Variants in GABRA3 observed in about 807,000 individuals in gnomAD.
GABRA3 encodes gamma-aminobutyric acid type A receptor subunit alpha3.
In GABRA3, 10 loss-of-function variants were observed where a neutral mutation model predicts 30.1. That is an observed-to-expected ratio of 0.33 (90% CI 0.20 to 0.56). The LOEUF is 0.56. Among genes scored for constraint, GABRA3 ranks in the 20% least tolerant of loss-of-function variants. The pLI is 0.89. For synonymous variants in GABRA3, 151 were observed against 146.8 expected (o/e 1.03, Z -0.21); for missense variants, 233 against 392.0 (o/e 0.59, Z 3.42).
At chrX:152,348,720 G>T (rs1225199947) in intron 2 of GABRA3, among the ~76,000 whole-genome samples, 1 of 112,177 alleles carries the variant, frequency 8.9e-6, no homozygotes, top group Non-Finnish European at 1.9e-5. Context: ...GCATGTAAAA[G>T]TTATGTTTAT....
chrX:152,384,400 G>C (rs1434058909), intron 1 of GABRA3, among the ~76,000 whole-genome samples: 2 of 111,737 alleles, frequency 1.8e-5, no homozygotes, highest in Non-Finnish European at 3.8e-5. Flanking sequence ...TTAGCACAGA[G>C]GGTATTGGTG....
intron 7 of GABRA3, among the ~76,000 whole-genome samples, chrX:152,202,630 G>A (rs1207750801): frequency 1.8e-5 from 2 of 112,089 alleles, no homozygotes; most frequent in Non-Finnish European, 3.8e-5. Context: ...TTATGCGTTT[G>A]TATGTGTATG....
intron 3 of GABRA3, among the ~76,000 whole-genome samples, chrX:152,314,710 T>C (rs1317025572): frequency 8.9e-6 from 1 of 112,421 alleles, no homozygotes; most frequent in Non-Finnish European, 1.9e-5. Flanking sequence ...TTGGCTTAAA[T>C]GGCACTTCGT....
intron 3 of GABRA3, among the ~76,000 whole-genome samples, chrX:152,342,877 C>T (rs1221021209): frequency 9.0e-6 from 1 of 111,295 alleles, no homozygotes; most frequent in African/African-American, 3.3e-5. Flanking sequence ...AAAAGTGTTT[C>T]CACCAAGTAG....
intron 3 of GABRA3, among the ~76,000 whole-genome samples, chrX:152,308,201 T>C (rs1939748422): frequency 8.9e-6 from 1 of 112,612 alleles, no homozygotes; most frequent in Admixed American, 9.4e-5. Flanking sequence ...TCTGCTTTAC[T>C]GGCAGACCCT....
chrX:152,299,691 C>T (rs756673438), intron 3 of GABRA3, among the ~76,000 whole-genome samples: 1 of 111,712 alleles, frequency 9.0e-6, no homozygotes, highest in East Asian at 2.8e-4. Context: ...GCACTATAGT[C>T]TTTCTCTCCC....
intron 1 of GABRA3, among the ~76,000 whole-genome samples, chrX:152,386,129 G>A (rs748035162): frequency 9.3e-6 from 1 of 107,532 alleles, no homozygotes; most frequent in East Asian, 2.9e-4. Context: ...ATTCTGTGAA[G>A]AAAGTCATTG....
At chrX:152,360,280 C>T (rs1378738412) in intron 2 of GABRA3, among the ~76,000 whole-genome samples, 1 of 60,386 alleles carries the variant, frequency 1.7e-5, no homozygotes, top group Non-Finnish European at 3.0e-5. Context: ...TACAGTCCCA[C>T]CAACAGTGTA....
At chrX:152,392,718 G>A (rs1244148780) in intron 1 of GABRA3, among the ~76,000 whole-genome samples, 1 of 112,287 alleles carries the variant, frequency 8.9e-6, no homozygotes, top group East Asian at 2.8e-4. Flanking sequence ...GTTGATGAAA[G>A]CCATTAGTGA....
At chrX:152,182,498 GTATA>G (rs1331764134) in intron 9 of GABRA3, among the ~76,000 whole-genome samples, 2 of 81,634 alleles carry the variant, frequency 2.4e-5, no homozygotes, top group Non-Finnish European at 4.6e-5. Flanking sequence ...ACTATATATA[GTATA>G]TATACTCTAT....
chrX:152,168,532 G>T lies in GABRA3; in HGVS notation c.1175C>A (p.Thr392Asn). 3 of 1,209,836 alleles carry T rather than the reference G, an allele frequency of 2.5e-6. No homozygotes were observed. The highest frequency in any genetic ancestry group is 3.4e-6 in the Non-Finnish European group (3 of 893,894). ...CCCCACGATGTTGAAGGTAGTGCTG[G>T]TTTTCTTTGCTGGGGCTGCTGGTGT... is the stretch of plus-strand genomic sequence containing the variant. The part of the protein sequence containing the change: ...KKTPAAPAKK[T>N]STTFNIVGTT... Residue 392 changes from threonine (T) to asparagine (N), a missense_variant, in exon 10 of 10, where the codon ACC becomes AAC. Transcript: ENST00000370314.
chrX:152,300,077 C>A (rs149880895), intron 3 of GABRA3, among the ~76,000 whole-genome samples: 2 of 112,426 alleles, frequency 1.8e-5, no homozygotes, highest in African/African-American at 6.5e-5. Flanking sequence ...CACTCTTGAG[C>A]TGCACATGCA....
intron 2 of GABRA3, among the ~76,000 whole-genome samples, chrX:152,352,582 T>G (rs1315525676): frequency 1.9e-4 from 21 of 111,497 alleles, no homozygotes; most frequent in Non-Finnish European, 5.7e-5. Flanking sequence ...AATGTGGAGT[T>G]GCTGACGCAG....
Position 152,295,818 on chromosome X carries a change from C to T in GABRA3, c.263-11083G>A, listed in dbSNP as rs7891701. 6.6e-3 allele frequency among the ~76,000 whole-genome samples: 742 copies of T among 112,263 alleles called. 1 individual carries two copies. Among genetic ancestry groups the T allele is most frequent in the Non-Finnish European group, 9.3e-3 (496 of 53,233 alleles). Reference sequence around the variant, plus strand: ...GCTGCAGACTGGAGCTGTTCCTATTCGGCCACTTGGAATGGAAAAATGTCT... The same window carrying T: ...GCTGCAGACTGGAGCTGTTCCTATTTGGCCACTTGGAATGGAAAAATGTCT... On this transcript the variant is annotated intron_variant, in intron 3 of 9. Transcript: ENST00000370314.
intron 1 of GABRA3, among the ~76,000 whole-genome samples, chrX:152,405,029 TG>T (rs1929894645): frequency 9.2e-6 from 1 of 108,387 alleles, no homozygotes; most frequent in Admixed American, 1.0e-4. Flanking sequence ...TCAAATTATC[TG>T]GTTTCAATAT....
chrX:152,430,572 A>G (rs190119885), intron 1 of GABRA3, among the ~76,000 whole-genome samples: 185 of 111,657 alleles, frequency 1.7e-3, no homozygotes, highest in African/African-American at 5.6e-3. Flanking sequence ...TTGACCTTTG[A>G]TATCTTCAAG....
intron 4 of GABRA3, among the ~76,000 whole-genome samples, chrX:152,273,807 T>A (rs1938992506): frequency 9.0e-6 from 1 of 111,303 alleles, no homozygotes; most frequent in African/African-American, 3.3e-5. Context: ...GAGGACAGAT[T>A]ACAGGACAAA....
intron 1 of GABRA3, among the ~76,000 whole-genome samples, chrX:152,429,261 C>G (rs957237585): frequency 9.1e-6 from 1 of 110,475 alleles, no homozygotes; most frequent in African/African-American, 3.3e-5. Flanking sequence ...ATATACCTCT[C>G]AAACCCATGG....
intron 3 of GABRA3, among the ~76,000 whole-genome samples, chrX:152,297,463 G>A (rs1170144030): frequency 1.8e-5 from 2 of 111,997 alleles, no homozygotes; most frequent in Non-Finnish European, 3.8e-5. Flanking sequence ...GATTTCATTT[G>A]CCTTTCACTC....
Sources: gnomAD v4.1 joint callset for allele counts (sites outside exome capture counted in the v4.1 genomes callset) on GRCh38, gnomAD v4.1.1 for gene constraint, MANE v1.5 for transcripts, NCBI Gene and HGNC (gene_info 2026-07-23, HGNC 2026-07-21) for gene names.